SPEF2: variants seen among roughly 807,000 people sequenced by gnomAD.
The protein encoded by SPEF2 is sperm flagellar and cilia associated 2.
In SPEF2, 187 loss-of-function variants were observed where a neutral mutation model predicts 224.6. The ratio of observed to expected loss-of-function variants is 0.83; its 90% CI spans 0.74 to 0.94. The LOEUF is 0.94. SPEF2 is among the 40% of genes least tolerant of loss of function. The pLI is 0.00. For missense variants in SPEF2, 2,170 were observed against 2,135.6 expected, an observed-to-expected ratio of 1.02 and a Z score of -0.32; for synonymous variants, 715 against 707.3, an observed-to-expected ratio of 1.01 and a Z score of -0.17.
intron 34 of SPEF2, among the ~76,000 whole-genome samples, chr5:35,804,128 T>C (rs931858889): frequency 1.3e-5 from 2 of 152,244 alleles, no homozygotes; most frequent in African/African-American, 4.8e-5. Context: ...TACATTTCTA[T>C]GCTCTTCTGC....
Position 35,700,581 on chromosome 5 carries a change from G to A in SPEF2, c.2227G>A (p.Gly743Ser), listed in dbSNP as rs1738409122. Residue 743 changes from glycine (G) to serine (S), a missense_variant, in exon 16 of 37, where the codon GGC (glycine) becomes AGC (serine). Coordinates refer to ENST00000356031, the MANE Select transcript of SPEF2 (RefSeq NM_024867.4). The part of the protein sequence containing the change: ...QAQLLEEALT[G>S]CNRNLTEVER... ...ACAGCTTCTGGAAGAAGCTCTTACA[G>A]GCTGCAATAGAAACCTCACAGAAGT... 2 of 1,613,820 alleles carry A rather than the reference G, an allele frequency of 1.2e-6. No homozygotes were observed. Among genetic ancestry groups the A allele is most frequent in the Non-Finnish European group, 1.7e-6 (2 of 1,179,940 alleles).
Position 35,654,583 on chromosome 5 carries a change from G to T in SPEF2, c.835G>T (p.Asp279Tyr). ...SLDTAGQTTTDLLNTYSDDEY... is the reference protein window; with the variant it reads ...SLDTAGQTTTYLLNTYSDDEY... ...AGATACAGCAGGCCAGACAACCACC[G>T]ATTTGTTAAATACTTACTCAGATGA... The change falls in exon 7 of 37, where the codon GAT (aspartate) becomes TAT (tyrosine). Residue 279 changes from aspartate (D) to tyrosine (Y), a missense_variant. Transcript: ENST00000356031. 2 of 1,608,962 alleles carry T rather than the reference G, an allele frequency of 1.2e-6. No individual in the cohort carries two copies. The highest frequency in any genetic ancestry group is 1.7e-6 in the Non-Finnish European group (2 of 1,178,664).
chr5:35,726,236 G>A (rs879532431), intron 20 of SPEF2, among the ~76,000 whole-genome samples: 9 of 152,098 alleles, frequency 5.9e-5, no homozygotes, highest in Admixed American at 5.2e-4. Context: ...TTCACTGAAC[G>A]ATCATGATAT....
At chr5:35,710,496 G>T (rs992133813) in intron 19 of SPEF2, 8 of 756,310 alleles carry the variant, frequency 1.1e-5, no homozygotes, top group South Asian at 6.0e-5. Context: ...GGCGGAGGTT[G>T]CAGTGAGCCG....
At chr5:35,804,128 T>A (rs931858889) in intron 34 of SPEF2, among the ~76,000 whole-genome samples, 1 of 152,244 alleles carries the variant, frequency 6.6e-6, no homozygotes, top group South Asian at 2.1e-4. Context: ...TACATTTCTA[T>A]GCTCTTCTGC....
At chr5:35,659,239 A>C in intron 8 of SPEF2, 32 bp downstream of exon 8, 1 of 1,527,358 alleles carries the variant, frequency 6.5e-7, no homozygotes, top group Non-Finnish European at 8.8e-7. Flanking sequence ...AATCTTTCTA[A>C]GGTTACTTTT....
In SPEF2 at chr5:35,792,384, G is replaced by T; in HGVS notation, c.4492G>T (p.Val1498Leu). 6.2e-7 allele frequency: 1 copy of T among 1,613,698 alleles called. No homozygotes were observed. Among genetic ancestry groups the T allele is most frequent in the Non-Finnish European group, 8.5e-7 (1 of 1,179,784 alleles). Reference protein sequence around the residue: ...KAFTDILIDLVTLNLGTNNFP... With the variant: ...KAFTDILIDLLTLNLGTNNFP... Reference sequence around the variant, plus strand: ...ATTTACTGACATTCTGATCGATTTGGTGACCCTGAACCTTGGCACAAACAA... The same window carrying T: ...ATTTACTGACATTCTGATCGATTTGTTGACCCTGAACCTTGGCACAAACAA... The change falls in exon 31 of 37, where the codon GTG (valine) becomes TTG (leucine). Residue 1498 changes from valine to leucine, a missense_variant. Val to Leu is a conservative substitution (Grantham distance 32, BLOSUM62 1). Transcript: ENST00000356031.
In SPEF2 at chr5:35,692,674, G is replaced by A. The variant is rs370798907; in HGVS notation, c.1849G>A (p.Asp617Asn). Residue 617 changes from aspartate (D) to asparagine (N), a missense_variant, in exon 12 of 37, where the codon GAT becomes AAT. Transcript: ENST00000356031. The part of the protein sequence containing the change: ...VSEVLPIQKN[D>N]EEDALPVLQE... ...TGAGGTTCTACCAATTCAGAAAAAT[G>A]ATGAAGAAGATGCTCTACCAGTTCT... The A allele has an allele frequency of 1.4e-5, 23 of 1,613,596 alleles. No homozygotes were observed. The highest frequency in any genetic ancestry group is 1.9e-5 in the Non-Finnish European group (23 of 1,179,836).
At chr5:35,747,959 A>C (rs113830102) in intron 23 of SPEF2, among the ~76,000 whole-genome samples, 7 of 152,286 alleles carry the variant, frequency 4.6e-5, no homozygotes, top group Admixed American at 1.3e-4. Context: ...CAATAAATTT[A>C]AGAAAATTGA....
In SPEF2 at chr5:35,714,509, G is replaced by T. The variant is rs186991799; in HGVS notation, c.2914+1623G>T. Among the ~76,000 whole-genome samples, 542 of 151,540 alleles carry T rather than the reference G, an allele frequency of 3.6e-3. 4 individuals carry two copies. Among genetic ancestry groups the T allele is most frequent in the African/African-American group, 0.012 (514 of 41,336 alleles). ...AAGTTATCTATTTGAGCATTAACAG[G>T]TTATTTTTATTGATTTTTTTTATTG... On this transcript the variant is annotated intron_variant, in intron 20 of 36. Coordinates refer to ENST00000356031, the MANE Select transcript of SPEF2 (RefSeq NM_024867.4).
At chr5:35,807,080 C>G (rs1408544130) in intron 35 of SPEF2, 51 bp from the exon 36 acceptor site, 23 of 1,575,078 alleles carry the variant, frequency 1.5e-5, no homozygotes, top group Non-Finnish European at 2.0e-5. Context: ...TTTTTTTTAA[C>G]ATCTACTGGA....
At chr5:35,804,320 C>T (rs1757800138) in intron 34 of SPEF2, among the ~76,000 whole-genome samples, 1 of 152,208 alleles carries the variant, frequency 6.6e-6, no homozygotes, top group Non-Finnish European at 1.5e-5. Flanking sequence ...TTGACAGCAC[C>T]ACAGTCTGTT....
intron 20 of SPEF2, among the ~76,000 whole-genome samples, chr5:35,717,408 T>A (rs909636339): frequency 6.6e-6 from 1 of 152,172 alleles, no homozygotes; most frequent in Non-Finnish European, 1.5e-5. Context: ...TGCCTTCTGA[T>A]TTGTCTTACA....
At chr5:35,622,152 G>T (rs967686511) in intron 1 of SPEF2, among the ~76,000 whole-genome samples, 7 of 152,056 alleles carry the variant, frequency 4.6e-5, no homozygotes, top group Non-Finnish European at 2.9e-5. Context: ...AATTGGGTTT[G>T]GGTTTTTTCC....
Position 35,727,820 on chromosome 5 carries a change from T to C in SPEF2, c.3060T>C (p.Pro1020=). The C allele has an allele frequency of 6.2e-7, 1 of 1,610,576 alleles. No homozygotes were observed. Among genetic ancestry groups the C allele is most frequent in the African/African-American group, 1.3e-5 (1 of 74,912 alleles). Residue 1020 remains proline (P), a synonymous_variant, in exon 21 of 37, where the codon CCT becomes CCC. Coordinates refer to ENST00000356031, the MANE Select transcript of SPEF2 (RefSeq NM_024867.4). ...GGGTCTATGTGAATGAACCAGTTCCTGAGGTATGGCCATTTAGAATCAAGC... is the reference window on the plus strand; with the variant it reads ...GGGTCTATGTGAATGAACCAGTTCCCGAGGTATGGCCATTTAGAATCAAGC... ...EEWVYVNEPV[P]EEMPLFLVPY...
intron 21 of SPEF2, 99 bp downstream of exon 21, chr5:35,727,922 C>T (rs1415936363): frequency 2.4e-6 from 3 of 1,262,752 alleles, no homozygotes; most frequent in Non-Finnish European, 3.3e-6. Context: ...CCTTTTACAG[C>T]AGGTAATATA....
chr5:35,756,193 A>T (rs1158550883), intron 24 of SPEF2, among the ~76,000 whole-genome samples: 2 of 152,156 alleles, frequency 1.3e-5, no homozygotes, highest in Non-Finnish European at 2.9e-5. Flanking sequence ...TGTCCAGTGT[A>T]TCCACCCTGT....
rs759926719 is a variant in SPEF2 at position 35,740,031 on chromosome 5, A to G, written c.3176A>G (p.Tyr1059Cys). The G allele has an allele frequency of 6.2e-7, 1 of 1,614,126 alleles. No individual in the cohort carries two copies. The highest frequency in any genetic ancestry group is 8.5e-7 in the Non-Finnish European group (1 of 1,180,012). Residue 1059 changes from tyrosine (Y) to cysteine (C), a missense_variant, in exon 22 of 37, where the codon TAC (tyrosine) becomes TGC (cysteine). Transcript: ENST00000356031. ...LREDQHTVLA[Y>C]LYEIRTSFQE... is the part of the protein sequence containing the mutation. ...GAAGACCAGCATACTGTGCTTGCTT[A>G]CTTATATGAGATTAGGTAAGTAATG...
intron 15 of SPEF2, 62 bp from the exon 16 acceptor site, chr5:35,700,434 A>G: frequency 7.0e-7 from 1 of 1,423,410 alleles, no homozygotes; most frequent in Non-Finnish European, 9.6e-7. Flanking sequence ...AAGATTCATC[A>G]TAGTATTTCC....
Sources: gnomAD v4.1 joint callset for allele counts (sites outside exome capture counted in the v4.1 genomes callset) on GRCh38, gnomAD v4.1.1 for gene constraint, MANE v1.5 for transcripts, NCBI Gene and HGNC (gene_info 2026-07-23, HGNC 2026-07-21) for gene names.